MOCOS: variants seen among roughly 807,000 people sequenced by gnomAD.
The protein encoded by MOCOS is human molybdenum cofactor sulfurase.
Under a neutral mutation model 83.6 loss-of-function variants are expected in MOCOS, and 86 were observed. The observed-to-expected ratio is 1.03, with a 90% CI of 0.86 to 1.23. The LOEUF is 1.23. Among genes scored for constraint, MOCOS ranks in the 50% most tolerant of loss-of-function variants. MOCOS has a pLI of 0.00. For synonymous variants in MOCOS, 445 were observed against 434.7 expected, an observed-to-expected ratio of 1.02 and a Z score of -0.29; for missense variants, 1,120 against 1,126.9, an observed-to-expected ratio of 0.99 and a Z score of 0.09.
chr18:36,205,196 T>C lies in MOCOS; in HGVS notation c.1138T>C (p.Phe380Leu). Residue 380 changes from phenylalanine to leucine, a missense_variant, in exon 6 of 15, where the codon TTC (phenylalanine) becomes CTC (leucine). Coordinates refer to ENST00000261326, the MANE Select transcript of MOCOS (RefSeq NM_017947.4). ...PVVRIYSDSEFSSPEVQGPII... is the reference protein window; with the variant it reads ...PVVRIYSDSELSSPEVQGPII... ...GGTGCGGATTTACAGCGATTCTGAG[T>C]TCAGCAGCCCTGAGGTTCAGGGCCC... 1 of 1,613,870 alleles carries C rather than the reference T, an allele frequency of 6.2e-7. No individual in the cohort carries two copies. The highest frequency in any genetic ancestry group is 1.1e-5 in the South Asian group (1 of 91,058).
Position 36,215,509 on chromosome 18 carries a change from A to G in MOCOS, c.1336-7A>G. ...ACTCTGGCTGATGCACTTCCCTCTTATCCTAGGCTGGTCATGTCTGTGGGG... is the reference window on the plus strand; with the variant it reads ...ACTCTGGCTGATGCACTTCCCTCTTGTCCTAGGCTGGTCATGTCTGTGGGG... On this transcript the variant is annotated splice_polypyrimidine_tract_variant and splice_region_variant and intron_variant, in intron 7 of 14. Coordinates refer to ENST00000261326, the MANE Select transcript of MOCOS (RefSeq NM_017947.4). The G allele has an allele frequency of 1.2e-6, 2 of 1,613,260 alleles. No individual in the cohort carries two copies.
intron 14 of MOCOS, 54 bp from the exon 15 acceptor site, chr18:36,268,479 T>G: frequency 6.2e-7 from 1 of 1,611,700 alleles, no homozygotes; most frequent in Non-Finnish European, 8.5e-7. Flanking sequence ...CAAAGTTATT[T>G]TAATTGCTAA....
chr18:36,267,285 CAA>C (rs2091685141), intron 14 of MOCOS, among the ~76,000 whole-genome samples: 1 of 152,146 alleles, frequency 6.6e-6, no homozygotes, highest in Non-Finnish European at 1.5e-5. Context: ...GTTAAAACAA[CAA>C]AGTGTTGTTA....
intron 9 of MOCOS, among the ~76,000 whole-genome samples, chr18:36,240,815 G>C (rs1052245325): frequency 6.6e-6 from 1 of 152,182 alleles, no homozygotes; most frequent in Non-Finnish European, 1.5e-5. Flanking sequence ...TCCGAGCCAG[G>C]TGCAGGATAT....
At chr18:36,201,805 A>G (rs1243731919) in intron 4 of MOCOS, among the ~76,000 whole-genome samples, 2 of 152,180 alleles carry the variant, frequency 1.3e-5, no homozygotes, top group Middle Eastern at 3.2e-3. Context: ...GGCTTCTAAA[A>G]CAGGAATGCT....
At chr18:36,191,299 T>G (rs2144891616) in intron 1 of MOCOS, among the ~76,000 whole-genome samples, 1 of 152,306 alleles carries the variant, frequency 6.6e-6, no homozygotes, top group South Asian at 2.1e-4. Flanking sequence ...TTTAGTGGTA[T>G]CAGATTCAAA....
At chr18:36,265,568 T>C (rs1253121064) in intron 13 of MOCOS, among the ~76,000 whole-genome samples, 1 of 152,232 alleles carries the variant, frequency 6.6e-6, no homozygotes, top group Non-Finnish European at 1.5e-5. Context: ...TTGCACTTTT[T>C]ACATGTGCAA....
At chr18:36,200,386 C>G in intron 4 of MOCOS, 62 bp downstream of exon 4, 1 of 1,593,610 alleles carries the variant, frequency 6.3e-7, no homozygotes, top group East Asian at 2.2e-5. Context: ...GCCTGTTTCT[C>G]CTGGAGGATT....
At chr18:36,266,707 T>C (rs1245146011) in intron 13 of MOCOS, 42 bp from the exon 14 acceptor site, 3 of 1,552,936 alleles carry the variant, frequency 1.9e-6, no homozygotes, top group African/African-American at 2.7e-5. Flanking sequence ...AAGGCTCTGG[T>C]CACTTTTGTG....
At chr18:36,234,617 T>G (rs190346324) in intron 9 of MOCOS, among the ~76,000 whole-genome samples, 2 of 152,350 alleles carry the variant, frequency 1.3e-5, no homozygotes, top group East Asian at 1.9e-4. Context: ...TATATTTCTT[T>G]TAACAGCATG....
intron 7 of MOCOS, among the ~76,000 whole-genome samples, chr18:36,213,894 A>G (rs527263862): frequency 6.7e-6 from 1 of 149,658 alleles, no homozygotes; most frequent in Non-Finnish European, 1.5e-5. Context: ...GCACCATTGC[A>G]CTCCAGTGCC....
At chr18:36,198,885 C>T in intron 3 of MOCOS, 129 bp downstream of exon 3, 1 of 929,274 alleles carries the variant, frequency 1.1e-6, no homozygotes, top group Non-Finnish European at 1.7e-6. Flanking sequence ...AAAGGCAATG[C>T]ATGTATGTTG....
intron 1 of MOCOS, among the ~76,000 whole-genome samples, chr18:36,194,756 C>T (rs66858216): frequency 1.3e-5 from 2 of 152,228 alleles, no homozygotes; most frequent in South Asian, 2.1e-4. Context: ...TCCGCGGTAT[C>T]TCATTTTCAT....
At chr18:36,189,925 T>A (rs1338288052) in intron 1 of MOCOS, 1 of 152,270 alleles carries the variant, frequency 6.6e-6, no homozygotes, top group East Asian at 1.9e-4. Flanking sequence ...CCAGAATGGC[T>A]ACTGGTGGAG....
chr18:36,194,869 T>C (rs916537893), intron 1 of MOCOS, among the ~76,000 whole-genome samples: 1 of 152,174 alleles, frequency 6.6e-6, no homozygotes, highest in Non-Finnish European at 1.5e-5. Flanking sequence ...TGCAGAGCAG[T>C]GTGGGAAAGT....
In MOCOS at chr18:36,187,547, G is replaced by C. The variant is rs2091345848; in HGVS notation, c.8G>C (p.Gly3Ala). The C allele has an allele frequency of 3.2e-6, 4 of 1,237,616 alleles. No homozygotes were observed. Among genetic ancestry groups the C allele is most frequent in the Non-Finnish European group, 4.0e-6 (4 of 990,506 alleles). 76.7% of individuals were successfully genotyped at this position (1,237,616 alleles called of 1,614,324 possible). The stretch of plus-strand genomic sequence containing the variant: ...GATGGACTAGCCGGGGCCATGGCCG[G>C]CGCGGCGGCGGAGTCAGGGCGGGAG... MA[G>A]AAAESGRELW... Residue 3 changes from glycine to alanine, a missense_variant, in exon 1 of 15, where the codon GGC becomes GCC. Gly to Ala is a moderately conservative substitution (Grantham distance 60). Coordinates refer to ENST00000261326, the MANE Select transcript of MOCOS (RefSeq NM_017947.4).
At chr18:36,215,998 A>G (rs1271119901) in intron 8 of MOCOS, 21 bp downstream of exon 8, 1 of 1,597,894 alleles carries the variant, frequency 6.3e-7, no homozygotes, top group East Asian at 2.2e-5. Flanking sequence ...TCACAGCAGC[A>G]CAGAAAGTCT....
chr18:36,216,047 G>A, intron 8 of MOCOS, 70 bp downstream of exon 8: 2 of 1,425,382 alleles, frequency 1.4e-6, no homozygotes, highest in Non-Finnish European at 1.9e-6. Context: ...ATAAAGTGAA[G>A]AAAAGCATGA....
chr18:36,253,111 C>T (rs1009410554), intron 11 of MOCOS, among the ~76,000 whole-genome samples: 1 of 152,126 alleles, frequency 6.6e-6, no homozygotes, highest in Admixed American at 6.5e-5. Flanking sequence ...GAGAAGTGAG[C>T]AGCAGTGAAA....
Sources: gnomAD v4.1 joint callset for allele counts (sites outside exome capture counted in the v4.1 genomes callset) on GRCh38, gnomAD v4.1.1 for gene constraint, MANE v1.5 for transcripts, NCBI Gene and HGNC (gene_info 2026-07-23, HGNC 2026-07-21) for gene names.